Variants in FAM168A observed in about 807,000 individuals in gnomAD.
The protein encoded by FAM168A is family with sequence similarity 168 member A.
In FAM168A, 3 loss-of-function variants were observed where a neutral mutation model predicts 28.5. That is an observed-to-expected ratio of 0.11 (90% CI 0.05 to 0.27). FAM168A has a LOEUF of 0.27. Ranked by LOEUF, FAM168A falls within the 10% of genes least tolerant of loss-of-function variation. FAM168A has a pLI of 1.00. For missense variants in FAM168A, 222 were observed against 311.5 expected, an observed-to-expected ratio of 0.71 and a Z score of 2.16; for synonymous variants, 122 against 124.2, an observed-to-expected ratio of 0.98 and a Z score of 0.12.
At chr11:73,443,087 A>C (rs937386462) in intron 2 of FAM168A, among the ~76,000 whole-genome samples, 1 of 147,984 alleles carries the variant, frequency 6.8e-6, no homozygotes, top group African/African-American at 2.5e-5. Flanking sequence ...CAGGTTGCTA[A>C]AGTTCACTTT....
At chr11:73,558,053 C>T (rs772436676) in intron 1 of FAM168A, among the ~76,000 whole-genome samples, 3 of 152,132 alleles carry the variant, frequency 2.0e-5, no homozygotes, top group Non-Finnish European at 4.4e-5. Flanking sequence ...ATAAGGGATA[C>T]AACCATGATA....
chr11:73,592,513 C>T (rs1944394331), intron 1 of FAM168A, among the ~76,000 whole-genome samples: 1 of 152,116 alleles, frequency 6.6e-6, no homozygotes, highest in Admixed American at 6.5e-5. Flanking sequence ...GTTAACGTAC[C>T]AGGGGTCGGC....
In FAM168A at chr11:73,456,765, C is replaced by T. The variant is rs567838806; in HGVS notation, c.70+11640G>A. ...GGAATTCCAGAGTCTAATCAGAACACTTGCAGTATGCAGAGGGAGAGTTTA... is the reference window on the plus strand; with the variant it reads ...GGAATTCCAGAGTCTAATCAGAACATTTGCAGTATGCAGAGGGAGAGTTTA... On this transcript the variant is annotated intron_variant, in intron 2 of 7. Transcript: ENST00000356467. 1.6e-4 allele frequency among the ~76,000 whole-genome samples: 24 copies of T among 152,360 alleles called. No homozygotes were observed. The South Asian group carries it at 4.8e-3, about 30-fold the overall frequency.
chr11:73,560,820 T>C (rs182241152), intron 1 of FAM168A, among the ~76,000 whole-genome samples: 3 of 152,312 alleles, frequency 2.0e-5, no homozygotes, highest in African/African-American at 4.8e-5. Flanking sequence ...CCCAGCACTT[T>C]GGGAGGCCAA....
intron 1 of FAM168A, among the ~76,000 whole-genome samples, chr11:73,582,329 G>A (rs539604902): frequency 1.3e-5 from 2 of 151,756 alleles, no homozygotes; most frequent in East Asian, 2.0e-4. Context: ...ATACCATCCC[G>A]GCTAACACAG....
At chr11:73,586,245 C>T (rs1372143486) in intron 1 of FAM168A, among the ~76,000 whole-genome samples, 4 of 152,130 alleles carry the variant, frequency 2.6e-5, no homozygotes, top group Admixed American at 2.6e-4. Context: ...CCTGCATAGG[C>T]TCAACATCTC....
At chr11:73,508,588 C>G (rs555424383) in intron 1 of FAM168A, among the ~76,000 whole-genome samples, 2 of 151,802 alleles carry the variant, frequency 1.3e-5, no homozygotes, top group South Asian at 4.2e-4. Flanking sequence ...CCTGAGAATA[C>G]CAGGGGTGGG....
At chr11:73,510,751 A>G (rs370809809) in intron 1 of FAM168A, 16 of 374,612 alleles carry the variant, frequency 4.3e-5, no homozygotes, top group African/African-American at 2.5e-4. Flanking sequence ...GGTCTGAGCT[A>G]TGATATCAAT....
intron 1 of FAM168A, among the ~76,000 whole-genome samples, chr11:73,511,808 C>A (rs1855231559): frequency 6.6e-6 from 1 of 152,174 alleles, no homozygotes; most frequent in South Asian, 2.1e-4. Context: ...CCACACTTCA[C>A]AGGATTAGCC....
chr11:73,591,243 G>T (rs934528559), intron 1 of FAM168A, among the ~76,000 whole-genome samples: 1 of 152,148 alleles, frequency 6.6e-6, no homozygotes, highest in African/African-American at 2.4e-5. Context: ...GGCAGATCAG[G>T]TTTTTAAATA....
At chr11:73,406,972 C>T (rs565899239) in intron 7 of FAM168A, among the ~76,000 whole-genome samples, 84 of 152,178 alleles carry the variant, frequency 5.5e-4, no homozygotes, top group Middle Eastern at 3.2e-3. Flanking sequence ...ACTGTCACTG[C>T]CTCAGGAGCT....
chr11:73,523,361 C>T (rs1348159529), intron 1 of FAM168A, among the ~76,000 whole-genome samples: 1 of 152,046 alleles, frequency 6.6e-6, no homozygotes, highest in Admixed American at 6.6e-5. Context: ...CAGGGTCCTG[C>T]TATGTTGCAC....
intron 1 of FAM168A, among the ~76,000 whole-genome samples, chr11:73,557,817 G>T (rs539901311): frequency 6.6e-6 from 1 of 152,208 alleles, no homozygotes; most frequent in African/African-American, 2.4e-5. Context: ...ATAAGGACAG[G>T]TATATAGACC....
At chr11:73,423,733 C>G (rs1156811903) in intron 3 of FAM168A, among the ~76,000 whole-genome samples, 1 of 152,178 alleles carries the variant, frequency 6.6e-6, no homozygotes, top group Non-Finnish European at 1.5e-5. Context: ...TATCCCAATC[C>G]CTATGATTCT....
intron 1 of FAM168A, among the ~76,000 whole-genome samples, chr11:73,498,065 A>G (rs1854928724): frequency 6.6e-6 from 1 of 152,184 alleles, no homozygotes; most frequent in Admixed American, 6.5e-5. Context: ...GCCCTCAAAA[A>G]GCTTATGCTC....
intron 1 of FAM168A, among the ~76,000 whole-genome samples, chr11:73,517,062 T>C (rs1256037535): frequency 1.3e-5 from 2 of 152,208 alleles, no homozygotes; most frequent in African/African-American, 2.4e-5. Context: ...AATTTGTAGC[T>C]GTAATTACGG....
chr11:73,580,584 T>A (rs1226253449), intron 1 of FAM168A: 4 of 511,444 alleles, frequency 7.8e-6, no homozygotes, highest in Non-Finnish European at 1.5e-5. Flanking sequence ...ATACTATTTT[T>A]AATCAAGTTT....
At chr11:73,551,192 G>C (rs1451102850) in intron 1 of FAM168A, among the ~76,000 whole-genome samples, 1 of 151,968 alleles carries the variant, frequency 6.6e-6, no homozygotes, top group African/African-American at 2.4e-5. Flanking sequence ...CTAAGTTAAG[G>C]GGTTTGAATT....
intron 1 of FAM168A, among the ~76,000 whole-genome samples, chr11:73,543,731 T>C (rs1164096601): frequency 6.6e-6 from 1 of 152,206 alleles, no homozygotes; most frequent in Non-Finnish European, 1.5e-5. Context: ...CTATATTTAT[T>C]TCCTCTGGGA....
Sources: allele counts gnomAD v4.1 joint callset (sites outside exome capture counted in the v4.1 genomes callset), GRCh38; gene constraint gnomAD v4.1.1; transcripts MANE v1.5; gene names NCBI Gene and HGNC (gene_info 2026-07-23, HGNC 2026-07-21).